Variants in CRHR1 observed in about 807,000 individuals in gnomAD.
CRHR1 encodes the protein corticotropin-releasing hormone receptor 1.
In CRHR1, 28 loss-of-function variants were observed where a neutral mutation model predicts 56.0. The observed-to-expected ratio is 0.50, with a 90% CI of 0.37 to 0.69. The LOEUF is 0.69. Ranked by LOEUF, CRHR1 falls within the 30% of genes least tolerant of loss-of-function variation. The pLI is 0.00. For missense variants in CRHR1, 376 were observed against 548.0 expected (o/e 0.69, Z 3.13); for synonymous variants, 195 against 216.5 (o/e 0.90, Z 0.87).
intron 1 of CRHR1, among the ~76,000 whole-genome samples, chr17:45,795,320 C>G (rs2061498254): frequency 6.6e-6 from 1 of 152,218 alleles, no homozygotes; most frequent in Non-Finnish European, 1.5e-5. Flanking sequence ...CCTCCCCTGC[C>G]CCGCCCCCAT....
At position 45,833,436 on chromosome 17, in the gene CRHR1, T is replaced by C; in HGVS notation, c.844-16T>C. 6.2e-7 allele frequency: 1 copy of C among 1,613,792 alleles called. No homozygotes were observed. On this transcript the variant is annotated splice_polypyrimidine_tract_variant and intron_variant, in intron 9 of 12. Coordinates refer to ENST00000314537, the MANE Select transcript of CRHR1 (RefSeq NM_004382.5). ...CCTCTTGCACACTCCGGCCCGCTGGTGTGCTCAAATTGCAGATCAATTTCA... is the reference window on the plus strand; with the variant it reads ...CCTCTTGCACACTCCGGCCCGCTGGCGTGCTCAAATTGCAGATCAATTTCA...
At chr17:45,829,887 C>T (rs1335262476) in intron 5 of CRHR1, among the ~76,000 whole-genome samples, 3 of 151,960 alleles carry the variant, frequency 2.0e-5, no homozygotes, top group South Asian at 2.1e-4. Context: ...CTGCCTGGGG[C>T]TTATGTCTGG....
intron 1 of CRHR1, among the ~76,000 whole-genome samples, chr17:45,785,526 A>G (rs1283588771): frequency 2.6e-5 from 4 of 152,208 alleles, no homozygotes; most frequent in African/African-American, 9.6e-5. Flanking sequence ...CAGTCTGGGC[A>G]TCGCCTCACC....
intron 5 of CRHR1, chr17:45,829,584 A>G: frequency 4.5e-6 from 7 of 1,550,788 alleles, no homozygotes; most frequent in Non-Finnish European, 6.1e-6. Flanking sequence ...CATTGGGGTG[A>G]CCAGGCAGAT....
At chr17:45,787,467 T>C (rs1038096809) in intron 1 of CRHR1, among the ~76,000 whole-genome samples, 7 of 152,326 alleles carry the variant, frequency 4.6e-5, no homozygotes, top group African/African-American at 1.7e-4. Flanking sequence ...GTTATTCTTA[T>C]ATAAGCCAAT....
intron 1 of CRHR1, among the ~76,000 whole-genome samples, chr17:45,797,201 G>A (rs543732291): frequency 2.6e-5 from 4 of 152,010 alleles, no homozygotes; most frequent in Non-Finnish European, 4.4e-5. Flanking sequence ...AAGGAAGAAC[G>A]TGCAAAGTTG....
chr17:45,830,047 CCT>C (rs778210974), intron 5 of CRHR1, 45 bp from the exon 6 acceptor site: 11 of 1,611,740 alleles, frequency 6.8e-6, no homozygotes, highest in Non-Finnish European at 6.8e-6. Flanking sequence ...TACCCCTCAT[CCT>C]CTCTCTCCTA....
At chr17:45,816,403 GCCTGC>G (rs530826430) in intron 2 of CRHR1, 55 bp from the exon 3 acceptor site, 4 of 1,605,354 alleles carry the variant, frequency 2.5e-6, no homozygotes, top group Non-Finnish European at 3.4e-6. Context: ...AATGTCCTCT[GCCTGC>G]CTGGGGCCTT....
Position 45,803,779 on chromosome 17 carries a change from T to TGTGTGC in CRHR1, c.34-3230_34-3229insTGTGCG, listed in dbSNP as rs1371508322. ...GTGCGTGTGTGTGTGTGTGTGTGCG[T>TGTGTGC]GCGCGTGCGCGTGTGTGCATGTGTG... On this transcript the variant is annotated intron_variant, in intron 1 of 12. Transcript: ENST00000314537. Among the ~76,000 whole-genome samples the TGTGTGC allele has an allele frequency of 8.6e-3, 1,304 of 151,950 alleles. 19 individuals carry two copies. Among genetic ancestry groups the TGTGTGC allele is most frequent in the African/African-American group, 0.03 (1,247 of 41,370 alleles).
At chr17:45,792,519 A>T (rs1021003662) in intron 1 of CRHR1, among the ~76,000 whole-genome samples, 2 of 151,736 alleles carry the variant, frequency 1.3e-5, no homozygotes, top group African/African-American at 2.4e-5. Context: ...TCCCCTGCCA[A>T]CCCCTACCCA....
intron 2 of CRHR1, among the ~76,000 whole-genome samples, chr17:45,807,452 C>T (rs993025529): frequency 6.6e-5 from 10 of 152,336 alleles, no homozygotes; most frequent in South Asian, 6.2e-4. Context: ...CATCAAGGGA[C>T]GGAGGAAAGG....
intron 1 of CRHR1, among the ~76,000 whole-genome samples, chr17:45,792,212 T>C (rs928027105): frequency 6.6e-6 from 1 of 152,190 alleles, no homozygotes; most frequent in Non-Finnish European, 1.5e-5. Context: ...GGCTGGTCCT[T>C]GGAGGGAGGC....
chr17:45,816,496 G>T lies in CRHR1; in HGVS notation c.155G>T (p.Gly52Val). Residue 52 changes from glycine to valine, a missense_variant, in exon 3 of 13, where the codon GGC (glycine) becomes GTC (valine). Gly to Val is a moderately radical substitution (Grantham distance 109). Coordinates refer to ENST00000314537, the MANE Select transcript of CRHR1 (RefSeq NM_004382.5). The part of the protein sequence containing the change: ...LQCNASVDLI[G>V]TCWPRSPAGQ... The stretch of plus-strand genomic sequence containing the variant: ...TGCAACGCATCCGTGGACCTCATTG[G>T]CACCTGCTGGCCCCGCAGCCCTGCG... 1 of 1,614,104 alleles carries T rather than the reference G, an allele frequency of 6.2e-7. No individual in the cohort carries two copies. The highest frequency in any genetic ancestry group is 2.2e-5 in the East Asian group (1 of 44,866).
chr17:45,790,267 T>C (rs1568027796), intron 1 of CRHR1, among the ~76,000 whole-genome samples: 1 of 152,196 alleles, frequency 6.6e-6, no homozygotes. Flanking sequence ...AACAATCATT[T>C]TGAAAATAAC....
chr17:45,816,066 T>C (rs1311316255), intron 2 of CRHR1, among the ~76,000 whole-genome samples: 1 of 152,150 alleles, frequency 6.6e-6, no homozygotes, highest in Non-Finnish European at 1.5e-5. Flanking sequence ...TGTTCCAGGG[T>C]GTTCCTGTGA....
chr17:45,833,222 G>C lies in CRHR1; in HGVS notation c.843+12G>C. 6.2e-7 allele frequency: 1 copy of C among 1,613,478 alleles called. No individual in the cohort carries two copies. The highest frequency in any genetic ancestry group is 8.5e-7 in the Non-Finnish European group (1 of 1,179,456). On this transcript the variant is annotated intron_variant, in intron 9 of 12. Coordinates refer to ENST00000314537, the MANE Select transcript of CRHR1 (RefSeq NM_004382.5). ...TCCTGGTCCTGCTGGTAAGAACCTG[G>C]GTAGGGGCAGGAGACAGGGCCCAGT... is the stretch of plus-strand genomic sequence containing the variant.
intron 1 of CRHR1, among the ~76,000 whole-genome samples, chr17:45,806,756 C>T (rs1408601734): frequency 6.6e-6 from 1 of 152,146 alleles, no homozygotes; most frequent in Non-Finnish European, 1.5e-5. Flanking sequence ...GGAGCCTGGG[C>T]TCCTGATCCT....
chr17:45,814,597 C>T (rs1359465932), intron 2 of CRHR1, among the ~76,000 whole-genome samples: 5 of 152,334 alleles, frequency 3.3e-5, no homozygotes, highest in South Asian at 2.1e-4. Flanking sequence ...GGCCTCTATA[C>T]GATCCTCCCC....
intron 1 of CRHR1, among the ~76,000 whole-genome samples, chr17:45,786,681 C>T (rs992234782): frequency 1.3e-5 from 2 of 150,018 alleles, no homozygotes; most frequent in African/African-American, 4.9e-5. Context: ...ACTCTGTCGC[C>T]CAGGTTGGAG....
Sources: gnomAD v4.1 joint callset for allele counts (sites outside exome capture counted in the v4.1 genomes callset) on GRCh38, gnomAD v4.1.1 for gene constraint, MANE v1.5 for transcripts, NCBI Gene and HGNC (gene_info 2026-07-23, HGNC 2026-07-21) for gene names.